Variants in TRPM2 observed in about 807,000 individuals in gnomAD.
The protein encoded by TRPM2 is transient receptor potential cation channel subfamily M member 2.
TRPM2 carries 161 observed loss-of-function variants against 174.0 expected under a neutral mutation model. That is an observed-to-expected ratio of 0.93 (90% CI 0.81 to 1.05). The LOEUF is 1.05. Among genes scored for constraint, TRPM2 ranks in the 50% least tolerant of loss-of-function variants. The probability of loss-of-function intolerance (pLI) is 0.00; values close to 1 mark genes in which losing one functional copy is unlikely to be tolerated. For synonymous variants in TRPM2, 954 were observed against 861.3 expected, an observed-to-expected ratio of 1.11 and a Z score of -1.88; for missense variants, 2,057 against 2,038.0, an observed-to-expected ratio of 1.01 and a Z score of -0.18.
chr21:44,439,126 G>T lies in TRPM2; in HGVS notation c.4227G>T (p.Glu1409Asp). 6.2e-7 allele frequency: 1 copy of T among 1,613,808 alleles called. No individual in the cohort carries two copies. Among genetic ancestry groups the T allele is most frequent in the Non-Finnish European group, 8.5e-7 (1 of 1,179,870 alleles). Residue 1409 changes from glutamate to aspartate, a missense_variant, in exon 30 of 32, where the codon GAG (glutamate) becomes GAT (aspartate). Physicochemically the swap from Glu to Asp is conservative, Grantham distance 45 (BLOSUM62 2). Coordinates refer to ENST00000397928, the MANE Select transcript of TRPM2 (RefSeq NM_003307.4). This position sits in a 1 kb window ranked among gnomAD's most constrained non-coding sequence, Gnocchi z 5.1. ...AGCTGAAGCGGATCCTCCGGCAGGA[G>T]CACTGGCCGTCTTTTGAAAACTTGC... The part of the protein sequence containing the change: ...PRKLKRILRQ[E>D]HWPSFENLLK...
rs1396208613 is a variant in TRPM2 at position 44,391,928 on chromosome 21, GAA to G, written c.1794+304_1794+305del. 6.6e-6 allele frequency among the ~76,000 whole-genome samples: 1 copy of G among 152,112 alleles called. No homozygotes were observed. The highest frequency in any genetic ancestry group is 1.9e-4 in the East Asian group (1 of 5,188). On this transcript the variant is annotated intron_variant, in intron 11 of 31. Coordinates refer to ENST00000397928, the MANE Select transcript of TRPM2 (RefSeq NM_003307.4). This position sits in a 1 kb window ranked among gnomAD's most constrained non-coding sequence, Gnocchi z 5.0. ...GCTGTGTCTTCACGTGACAGAGAGAGAAGTCTCTGGTGCCACTTCCTCTTCTT... is the reference window on the plus strand; with the variant it reads ...GCTGTGTCTTCACGTGACAGAGAGAGGTCTCTGGTGCCACTTCCTCTTCTT...
chr21:44,384,923 G>T (rs185820188), intron 9 of TRPM2, among the ~76,000 whole-genome samples: 2 of 152,172 alleles, frequency 1.3e-5, no homozygotes, highest in African/African-American at 4.8e-5. Context: ...AAGAAGGAAG[G>T]CTTCCTAATT....
chr21:44,394,317 C>CT (rs35448660), intron 11 of TRPM2, among the ~76,000 whole-genome samples: 6,011 of 112,662 alleles, frequency 0.053, 258 homozygotes, highest in African/African-American at 0.09. Context: ...AAACACATTT[C>CT]TTTTTTTTTT....
At chr21:44,350,558 C>G (rs1569000803), upstream of TRPM2, among the ~76,000 whole-genome samples, 1 of 103,228 alleles carries the variant, frequency 9.7e-6, no homozygotes. Context: ...GTTCGGGGCG[C>G]TGGTGCAGGG....
At chr21:44,422,499 C>T (rs1248776195) in intron 22 of TRPM2, 16 of 1,485,950 alleles carry the variant, frequency 1.1e-5, no homozygotes, top group Non-Finnish European at 1.4e-5. Context: ...AGCGAAATCA[C>T]TTTCTTCCCT....
intron 2 of TRPM2, among the ~76,000 whole-genome samples, chr21:44,355,424 G>A (rs1263484299): frequency 1.3e-5 from 2 of 152,198 alleles, no homozygotes; most frequent in East Asian, 1.9e-4. Context: ...TGGGCCACAC[G>A]CTTCCTCCTT....
chr21:44,353,578 T>C, upstream of TRPM2: 1 of 1,256,880 alleles, frequency 8.0e-7, no homozygotes, highest in Admixed American at 4.1e-5. Context: ...CAGCCTCATC[T>C]TCCTGTCTCT....
intron 16 of TRPM2, among the ~76,000 whole-genome samples, chr21:44,404,568 A>G (rs2049794551): frequency 6.6e-6 from 1 of 152,236 alleles, no homozygotes; most frequent in Non-Finnish European, 1.5e-5. Flanking sequence ...AGCTCTCTTC[A>G]GATCAGAACC....
At chr21:44,374,051 C>T (rs1602156832) in intron 5 of TRPM2, among the ~76,000 whole-genome samples, 1 of 151,470 alleles carries the variant, frequency 6.6e-6, no homozygotes, top group East Asian at 1.9e-4. Flanking sequence ...TGCTCTTTTG[C>T]CCAGGCTGGA....
intron 8 of TRPM2, among the ~76,000 whole-genome samples, 198 bp downstream of exon 8, chr21:44,379,395 C>T (rs2048809482): frequency 6.6e-6 from 1 of 152,198 alleles, no homozygotes; most frequent in Non-Finnish European, 1.5e-5. Flanking sequence ...CCCAAGACAG[C>T]ATGTGAAAGG....
intron 7 of TRPM2, 137 bp from the exon 8 acceptor site, chr21:44,378,860 T>C (rs998707950): frequency 1.0e-6 from 1 of 953,390 alleles, no homozygotes; most frequent in Non-Finnish European, 1.6e-6. Context: ...GCCACGAAAC[T>C]AATAAGTGCT....
rs2050587002 is a variant in TRPM2, at chr21:44,422,491, C to T, written c.3462-1154C>T. The T allele has an allele frequency of 3.7e-5, 56 of 1,497,288 alleles. No individual in the cohort carries two copies. The South Asian group carries it at 6.0e-4, about 16-fold the overall frequency. The allele number at this position is 1,497,288 out of a possible 1,614,324, so 92.8% of individuals were successfully genotyped here. A position where few individuals can be genotyped will look rare whatever the true frequency, so the allele number is the denominator to read the frequency against. On this transcript the variant is annotated intron_variant, in intron 22 of 31. Transcript: ENST00000397928. ...TGAAAGGAGATGCCCAGGCCTGGAG[C>T]GAAATCACTTTCTTCCCTCTCCCTA... is the stretch of plus-strand genomic sequence containing the variant.
chr21:44,373,072 T>G (rs779588967), intron 5 of TRPM2, among the ~76,000 whole-genome samples: 2 of 152,218 alleles, frequency 1.3e-5, no homozygotes, highest in Non-Finnish European at 2.9e-5. Context: ...ACCTTTCCTG[T>G]GATGCTGTCT....
In TRPM2 at chr21:44,424,916, C is replaced by T. The variant is rs956889278; in HGVS notation, c.3614C>T (p.Ser1205Leu). The T allele has an allele frequency of 4.4e-6, 7 of 1,606,210 alleles. No homozygotes were observed. Among genetic ancestry groups the T allele is most frequent in the South Asian group, 1.1e-5 (1 of 89,724 alleles). Residue 1205 changes from serine (S) to leucine (L), a missense_variant, in exon 24 of 32, where the codon TCG (serine) becomes TTG (leucine). Ser to Leu is a moderately radical substitution (Grantham distance 145). Coordinates refer to ENST00000397928, the MANE Select transcript of TRPM2 (RefSeq NM_003307.4). Reference protein sequence around the residue: ...VRTLRASGFSSEADVPTLASQ... With the variant: ...VRTLRASGFSLEADVPTLASQ... ...ACGCTGCGGGCCAGCGGCTTCAGCTCGGAGGCGGACGTCCCCACTCTGGGT... is the reference window on the plus strand; with the variant it reads ...ACGCTGCGGGCCAGCGGCTTCAGCTTGGAGGCGGACGTCCCCACTCTGGGT...
intron 22 of TRPM2, among the ~76,000 whole-genome samples, chr21:44,422,091 G>A (rs1301097423): frequency 2.0e-5 from 3 of 152,230 alleles, no homozygotes; most frequent in Non-Finnish European, 4.4e-5. Context: ...TGATCTTGCA[G>A]AACACGGGCT....
chr21:44,435,488 C>T (rs1016012478), intron 28 of TRPM2, among the ~76,000 whole-genome samples: 3 of 152,028 alleles, frequency 2.0e-5, no homozygotes, highest in Admixed American at 6.5e-5. Flanking sequence ...CCGGTCCCTG[C>T]CCATTAGAGG....
intron 5 of TRPM2, among the ~76,000 whole-genome samples, chr21:44,370,243 AC>A (rs1292160660): frequency 1.3e-5 from 2 of 152,066 alleles, no homozygotes; most frequent in East Asian, 3.9e-4. Context: ...GGGCGATCCG[AC>A]CCCGAACCGG....
intron 16 of TRPM2, among the ~76,000 whole-genome samples, chr21:44,404,355 G>C (rs746559111): frequency 2.7e-5 from 4 of 147,990 alleles, no homozygotes; most frequent in African/African-American, 1.0e-4. Context: ...AATACATGCA[G>C]ACACATACAG....
chr21:44,402,542 G>C (rs2049657250), intron 16 of TRPM2, among the ~76,000 whole-genome samples: 1 of 152,298 alleles, frequency 6.6e-6, no homozygotes, highest in South Asian at 2.1e-4. Context: ...ACACCACATG[G>C]TTGACCTCAG....
Sources: allele counts gnomAD v4.1 joint callset (sites outside exome capture counted in the v4.1 genomes callset), GRCh38; gene constraint gnomAD v4.1.1; non-coding constraint Gnocchi (gnomAD v3.1); transcripts MANE v1.5; gene names NCBI Gene and HGNC (gene_info 2026-07-23, HGNC 2026-07-21).